Variants in APBB2 observed in about 807,000 individuals in gnomAD.
APBB2 encodes the protein amyloid beta precursor protein binding family B member 2, also known as Fe65-like 1.
A neutral mutation model predicts 82.5 loss-of-function variants in APBB2; 38 were observed. The ratio of observed to expected loss-of-function variants is 0.46; its 90% CI spans 0.36 to 0.60. APBB2 has a LOEUF of 0.60. APBB2 is among the 20% of genes least tolerant of loss of function. APBB2 has a pLI of 0.00. For synonymous variants in APBB2, 341 were observed against 368.2 expected (o/e 0.93, Z 0.85); for missense variants, 772 against 972.3 (o/e 0.79, Z 2.74).
chr4:41,206,843 A>G (rs1778061715), intron 1 of APBB2, among the ~76,000 whole-genome samples: 2 of 152,180 alleles, frequency 1.3e-5, no homozygotes, highest in Admixed American at 1.3e-4. Context: ...TGCCCAGGAC[A>G]GAAGTCTACC....
chr4:40,964,218 G>C (rs528662340), intron 6 of APBB2, among the ~76,000 whole-genome samples: 48 of 152,142 alleles, frequency 3.2e-4, no homozygotes, highest in African/African-American at 1.1e-3. Context: ...CTTGTACTTG[G>C]CCCAGATTTC....
At position 41,159,969 on chromosome 4, in the gene APBB2, GAAGAAGAAGA is replaced by G. The variant is rs1764591727; in HGVS notation, c.-416-16837_-416-16828del. On this transcript the variant is annotated intron_variant, in intron 1 of 17. Transcript: ENST00000508593. ...AGAAGGAGAAGGAGAAGGAGAAGAA[GAAGAAGAAGA>G]AGAAGAAGAAGAAGAAGAAGAAGAA... Among the ~76,000 whole-genome samples the G allele has an allele frequency of 3.7e-4, 37 of 98,746 alleles. 1 individual carries two copies. The highest frequency in any genetic ancestry group is 9.3e-4 in the African/African-American group (24 of 25,724). The allele number at this position is 98,746 out of a possible 152,430, so 64.8% of individuals were successfully genotyped here. A position where few individuals can be genotyped will look rare whatever the true frequency, so the allele number is the denominator to read the frequency against.
At chr4:40,856,634 G>C (rs963822972) in intron 12 of APBB2, among the ~76,000 whole-genome samples, 6 of 152,224 alleles carry the variant, frequency 3.9e-5, no homozygotes, top group Non-Finnish European at 1.5e-5. Flanking sequence ...CCTCACCAGG[G>C]GGCACGTGAG....
At chr4:41,077,593 A>G (rs1341514526) in intron 3 of APBB2, among the ~76,000 whole-genome samples, 1 of 152,186 alleles carries the variant, frequency 6.6e-6, no homozygotes, top group Non-Finnish European at 1.5e-5. Context: ...CAAACCCTCT[A>G]AACTCCCAGG....
intron 7 of APBB2, among the ~76,000 whole-genome samples, chr4:40,940,910 G>A (rs1786716710): frequency 6.6e-6 from 1 of 152,222 alleles, no homozygotes; most frequent in African/African-American, 2.4e-5. Flanking sequence ...TAAATGGTTT[G>A]GGCGGGGAGG....
At chr4:41,123,467 A>T (rs1360419782) in intron 2 of APBB2, among the ~76,000 whole-genome samples, 1 of 152,182 alleles carries the variant, frequency 6.6e-6, no homozygotes, top group Non-Finnish European at 1.5e-5. Context: ...CTGCCATCCA[A>T]CATGAGGATA....
chr4:40,985,521 G>A (rs1800201669), intron 6 of APBB2, among the ~76,000 whole-genome samples: 1 of 152,094 alleles, frequency 6.6e-6, no homozygotes, highest in Non-Finnish European at 1.5e-5. Context: ...TGGCTCTGAT[G>A]AAGACAAGTC....
intron 10 of APBB2, among the ~76,000 whole-genome samples, chr4:40,911,942 A>C (rs1305387972): frequency 1.3e-5 from 2 of 152,158 alleles, no homozygotes; most frequent in Admixed American, 6.5e-5. Flanking sequence ...GGATGCTGCA[A>C]AGGCCTGCTC....
At chr4:40,853,180 A>G (rs1577975259) in intron 12 of APBB2, among the ~76,000 whole-genome samples, 2 of 151,940 alleles carry the variant, frequency 1.3e-5, no homozygotes. Context: ...GCCCTCTGCC[A>G]TGTCACTGAT....
chr4:41,079,466 C>T lies in APBB2; in HGVS notation c.-148-13793G>A, dbSNP rs138569668. 1.3e-4 allele frequency among the ~76,000 whole-genome samples: 19 copies of T among 151,742 alleles called. No homozygotes were observed. The East Asian group carries it at 3.1e-3, about 25-fold the overall frequency. On this transcript the variant is annotated intron_variant, in intron 3 of 17. Transcript: ENST00000508593. ...CAAAGAAGATTTTTCCATAGAGAAA[C>T]ATGGGGGAAGGTTAAGCTTTAAGAT...
chr4:40,944,490 G>A (rs749652429), intron 7 of APBB2, among the ~76,000 whole-genome samples: 9 of 152,090 alleles, frequency 5.9e-5, no homozygotes, highest in African/African-American at 1.9e-4. Context: ...ATTATAATAC[G>A]TCTGGCCAAG....
chr4:40,981,108 A>G (rs900901240), intron 6 of APBB2, among the ~76,000 whole-genome samples: 3 of 152,230 alleles, frequency 2.0e-5, no homozygotes, highest in Admixed American at 6.5e-5. Context: ...ACATGAGGCC[A>G]AGTAACTTGT....
chr4:41,030,382 TTC>T (rs1716274210), intron 5 of APBB2, among the ~76,000 whole-genome samples: 1 of 152,176 alleles, frequency 6.6e-6, no homozygotes, highest in Admixed American at 6.5e-5. Flanking sequence ...CAAGGTCATT[TTC>T]TCTGTTCAAT....
In APBB2 at chr4:40,875,822, C is replaced by T. The variant is rs138516088; in HGVS notation, c.1529+14542G>A. On this transcript the variant is annotated intron_variant, in intron 12 of 17. Transcript: ENST00000508593. ...CTGCTAAGAAAAAAAAAAATAACCCCAAAGGTGAGGATTTCATTGCCAGTA... is the reference window on the plus strand; with the variant it reads ...CTGCTAAGAAAAAAAAAAATAACCCTAAAGGTGAGGATTTCATTGCCAGTA... 5.5e-3 allele frequency among the ~76,000 whole-genome samples: 831 copies of T among 152,110 alleles called. 11 individuals are homozygous for T. Among genetic ancestry groups the T allele is most frequent in the African/African-American group, 0.019 (786 of 41,512 alleles).
chr4:40,940,642 G>C (rs937978547), intron 7 of APBB2, among the ~76,000 whole-genome samples: 1 of 152,186 alleles, frequency 6.6e-6, no homozygotes, highest in African/African-American at 2.4e-5. Flanking sequence ...CATGACGCCC[G>C]TGAGGCTGTG....
chr4:40,919,346 G>A lies in APBB2; in HGVS notation c.1254+15110C>T, dbSNP rs1360815125. ...GGAACTTCTTTACACATGTCCTCACGGTCACCTATCTGGAAGTTACGTGAA... is the reference window on the plus strand; with the variant it reads ...GGAACTTCTTTACACATGTCCTCACAGTCACCTATCTGGAAGTTACGTGAA... On this transcript the variant is annotated intron_variant, in intron 10 of 17. Coordinates refer to ENST00000508593, the MANE Select transcript of APBB2 (RefSeq NM_004307.2). Among the ~76,000 whole-genome samples, 3 of 152,120 alleles carry A rather than the reference G, an allele frequency of 2.0e-5. No individual in the cohort carries two copies. The South Asian group carries it at 6.2e-4, about 32-fold the overall frequency.
intron 6 of APBB2, among the ~76,000 whole-genome samples, chr4:40,997,085 C>A (rs1227143032): frequency 6.6e-6 from 1 of 152,146 alleles, no homozygotes; most frequent in Non-Finnish European, 1.5e-5. Flanking sequence ...GCCTATCCAA[C>A]CACCTGCTTC....
At position 40,832,557 on chromosome 4, in the gene APBB2, C is replaced by A. The variant is rs1752398246; in HGVS notation, c.1530-1980G>T. Among the ~76,000 whole-genome samples, 1 of 152,218 alleles carries A rather than the reference C, an allele frequency of 6.6e-6. No individual in the cohort carries two copies. The highest frequency in any genetic ancestry group is 6.5e-5 in the Admixed American group (1 of 15,278). On this transcript the variant is annotated intron_variant, in intron 12 of 17. Transcript: ENST00000508593. This position sits in a 1 kb window ranked among gnomAD's most constrained non-coding sequence, Gnocchi z 4.8. ...AATCCCCACATTCGTCCTGTTTCAC[C>A]TCCTGGAAATTTCTGGCATCCATCC...
At chr4:41,024,361 A>G (rs1340936529) in intron 5 of APBB2, among the ~76,000 whole-genome samples, 3 of 152,252 alleles carry the variant, frequency 2.0e-5, no homozygotes, top group Non-Finnish European at 4.4e-5. Flanking sequence ...TGCACAGCAA[A>G]AGAAACTATC....
Sources: gnomAD v4.1 joint callset for allele counts (sites outside exome capture counted in the v4.1 genomes callset) on GRCh38, gnomAD v4.1.1 for gene constraint, Gnocchi (gnomAD v3.1) non-coding constraint, MANE v1.5 for transcripts, NCBI Gene and HGNC (gene_info 2026-07-23, HGNC 2026-07-21) for gene names.